DOCK3: variants seen among roughly 807,000 people sequenced by gnomAD.
DOCK3 encodes the protein dedicator of cytokinesis protein 3.
In DOCK3, 60 loss-of-function variants were observed where a neutral mutation model predicts 265.6. The ratio of observed to expected loss-of-function variants is 0.23; its 90% CI spans 0.18 to 0.28. The LOEUF is 0.28. Ranked by LOEUF, DOCK3 falls within the 10% of genes least tolerant of loss-of-function variation. The pLI is 1.00. For synonymous variants in DOCK3, 881 were observed against 938.0 expected (o/e 0.94, Z 1.11); for missense variants, 1,981 against 2,594.3 (o/e 0.76, Z 5.14).
At chr3:51,229,719 TTTGTTGTTG>T in intron 19 of DOCK3, 110 bp downstream of exon 19, 4 of 771,786 alleles carry the variant, frequency 5.2e-6, no homozygotes, top group African/African-American at 1.8e-5. Context: ...TCATCAGATT[TTTGTTGTTG>T]TTGTTGTTGT....
intron 6 of DOCK3, among the ~76,000 whole-genome samples, chr3:51,066,257 AAAAACAGGAATAT>A (rs1166989462): frequency 1.3e-5 from 2 of 152,180 alleles, no homozygotes; most frequent in Admixed American, 1.3e-4. Context: ...GTCAGAGCCA[AAAAACAGGAATAT>A]TAAGATTGAA....
At chr3:51,250,371 C>G (rs971197598) in intron 22 of DOCK3, among the ~76,000 whole-genome samples, 23 of 152,058 alleles carry the variant, frequency 1.5e-4, no homozygotes, top group Non-Finnish European at 2.9e-4. Flanking sequence ...ATAATCCTAG[C>G]ACTTGGGGAG....
intron 2 of DOCK3, among the ~76,000 whole-genome samples, chr3:50,811,421 G>A (rs2043748759): frequency 6.6e-6 from 1 of 151,952 alleles, no homozygotes; most frequent in Non-Finnish European, 1.5e-5. Context: ...AGAAGGAAGG[G>A]AAGGAGGGAG....
chr3:51,273,161 CAAAA>C (rs1226921567), intron 24 of DOCK3, among the ~76,000 whole-genome samples: 2 of 60,644 alleles, frequency 3.3e-5, no homozygotes, highest in South Asian at 5.1e-4. Context: ...GACTCTGTCT[CAAAA>C]AAAAAAAAAA....
intron 21 of DOCK3, among the ~76,000 whole-genome samples, chr3:51,245,394 T>C (rs1319328965): frequency 9.4e-5 from 14 of 148,184 alleles, no homozygotes; most frequent in Middle Eastern, 3.4e-3. Context: ...TTCTTTCTTT[T>C]TTTTTTTTTT....
intron 9 of DOCK3, among the ~76,000 whole-genome samples, chr3:51,139,755 T>C (rs2084964100): frequency 6.6e-6 from 1 of 152,202 alleles, no homozygotes; most frequent in Non-Finnish European, 1.5e-5. Flanking sequence ...TGCCAACATA[T>C]CAAAGTTGGC....
At chr3:51,143,749 T>C (rs1000809021) in intron 9 of DOCK3, among the ~76,000 whole-genome samples, 6 of 152,214 alleles carry the variant, frequency 3.9e-5, no homozygotes. Flanking sequence ...CTTAGGTGAA[T>C]GTTTTGTGAT....
intron 12 of DOCK3, among the ~76,000 whole-genome samples, chr3:51,187,668 G>A (rs1233758307): frequency 3.9e-5 from 6 of 151,992 alleles, no homozygotes; most frequent in African/African-American, 1.5e-4. Flanking sequence ...TGAATCATGG[G>A]GGCAGGTCTT....
At chr3:51,345,197 C>T (rs558478323) in intron 38 of DOCK3, among the ~76,000 whole-genome samples, 20 of 152,226 alleles carry the variant, frequency 1.3e-4, no homozygotes, top group South Asian at 1.2e-3. Context: ...CCTGCCCAAG[C>T]GGCACTTGGA....
chr3:51,269,209 A>G (rs1446474107), intron 23 of DOCK3, among the ~76,000 whole-genome samples: 7 of 148,484 alleles, frequency 4.7e-5, no homozygotes, highest in African/African-American at 7.4e-5. Context: ...ATATATATAC[A>G]TAATATATAT....
chr3:50,929,577 G>T (rs922762080), intron 4 of DOCK3, among the ~76,000 whole-genome samples: 2 of 152,096 alleles, frequency 1.3e-5, no homozygotes, highest in African/African-American at 4.8e-5. Flanking sequence ...ACCAGTGCTG[G>T]CTTTTGACTT....
At chr3:51,145,193 T>G in intron 9 of DOCK3, among the ~76,000 whole-genome samples, 1 of 152,146 alleles carries the variant, frequency 6.6e-6, no homozygotes, top group East Asian at 1.9e-4. Context: ...TTTTTATAAG[T>G]TGCTGTAACA....
intron 13 of DOCK3, among the ~76,000 whole-genome samples, chr3:51,211,767 A>G (rs547183953): frequency 6.6e-6 from 1 of 152,304 alleles, no homozygotes; most frequent in African/African-American, 2.4e-5. Flanking sequence ...TCATTGATGG[A>G]CACTTGGGTT....
chr3:51,165,408 A>G (rs1042418152), intron 12 of DOCK3, among the ~76,000 whole-genome samples: 1 of 152,220 alleles, frequency 6.6e-6, no homozygotes, highest in African/African-American at 2.4e-5. Flanking sequence ...CATTCAAGCT[A>G]AGGAACATAT....
At chr3:51,278,048 G>A in intron 26 of DOCK3, 1 of 985,416 alleles carries the variant, frequency 1.0e-6, no homozygotes, top group Non-Finnish European at 1.2e-6. Flanking sequence ...AAGCTGGGAT[G>A]TATGTAAGAT....
chr3:50,899,342 C>T (rs182914146), intron 4 of DOCK3, among the ~76,000 whole-genome samples: 2 of 152,220 alleles, frequency 1.3e-5, no homozygotes, highest in Admixed American at 1.3e-4. Flanking sequence ...AATATTCCTC[C>T]ATCCCTTTGT....
At chr3:50,732,968 A>T (rs1037064847) in intron 1 of DOCK3, among the ~76,000 whole-genome samples, 5 of 152,088 alleles carry the variant, frequency 3.3e-5, no homozygotes, top group Admixed American at 2.0e-4. Flanking sequence ...TTTATTTATT[A>T]ATTTATTTAA....
chr3:51,055,868 G>A (rs1477041581), intron 5 of DOCK3, among the ~76,000 whole-genome samples: 3 of 152,200 alleles, frequency 2.0e-5, no homozygotes, highest in Non-Finnish European at 2.9e-5. Flanking sequence ...TGTGTTGTAA[G>A]AGAGGATTAG....
rs1429863234 is a variant in DOCK3, at chr3:50,778,599, G to T, written c.38-76G>T. On this transcript the variant is annotated intron_variant, in intron 1 of 52. Transcript: ENST00000266037. Reference sequence around the variant, plus strand: ...GAAGGTATACATTTAAGAAAATTTAGTGCTTAATTCAGTGACTCTGACCAT... The same window carrying T: ...GAAGGTATACATTTAAGAAAATTTATTGCTTAATTCAGTGACTCTGACCAT... The T allele has an allele frequency of 1.5e-5, 16 of 1,067,184 alleles. 1 individual carries two copies. The highest frequency in any genetic ancestry group is 4.1e-4 in the Middle Eastern group (2 of 4,906). 66.1% of individuals were successfully genotyped at this position (1,067,184 alleles called of 1,614,324 possible).
Sources: allele counts gnomAD v4.1 joint callset (sites outside exome capture counted in the v4.1 genomes callset), GRCh38; gene constraint gnomAD v4.1.1; transcripts MANE v1.5; gene names NCBI Gene and HGNC (gene_info 2026-07-23, HGNC 2026-07-21).